NELL1: variants seen among roughly 807,000 people sequenced by gnomAD.
The protein encoded by NELL1 is neural EGFL like 1.
NELL1 carries 76 observed loss-of-function variants against 107.4 expected under a neutral mutation model. The observed-to-expected ratio is 0.71, with a 90% CI of 0.59 to 0.86. The LOEUF is 0.86. NELL1 is among the 40% of genes least tolerant of loss of function. The pLI is 0.00. For missense variants in NELL1, 1,024 were observed against 1,005.5 expected (o/e 1.02, Z -0.25); for synonymous variants, 353 against 341.2 (o/e 1.03, Z -0.38).
intron 14 of NELL1, among the ~76,000 whole-genome samples, chr11:21,285,244 A>G (rs903738040): frequency 1.3e-5 from 2 of 152,140 alleles, no homozygotes; most frequent in Admixed American, 6.5e-5. Flanking sequence ...TCCCTTCTCT[A>G]CGATATTATA....
intron 12 of NELL1, among the ~76,000 whole-genome samples, chr11:21,112,734 G>A (rs1293214861): frequency 6.6e-6 from 1 of 152,038 alleles, no homozygotes; most frequent in Non-Finnish European, 1.5e-5. Context: ...GTAGTTGAAT[G>A]CAAGTCATAG....
In NELL1 at chr11:21,240,956, GCTGAT is replaced by G. The variant is rs374311118; in HGVS notation, c.1549+11503_1549+11507del. On this transcript the variant is annotated intron_variant, in intron 14 of 19. Coordinates refer to ENST00000357134, the MANE Select transcript of NELL1 (RefSeq NM_006157.5). ...GTGGAAATCTGACACTTAGACAAGT[GCTGAT>G]TCTTTTGAGTGCATTTCCAGGTTGC... Among the ~76,000 whole-genome samples, 87 of 152,136 alleles carry G rather than the reference GCTGAT, an allele frequency of 5.7e-4. No individual in the cohort carries two copies. The East Asian group carries it at 0.012, about 21-fold the overall frequency.
At chr11:21,190,938 T>G (rs1342660694) in intron 13 of NELL1, among the ~76,000 whole-genome samples, 1 of 151,766 alleles carries the variant, frequency 6.6e-6, no homozygotes, top group Admixed American at 6.6e-5. Flanking sequence ...TCTGCCTCCC[T>G]AGCAGGGAAG....
chr11:21,164,674 CA>C (rs1405404933), intron 13 of NELL1, among the ~76,000 whole-genome samples: 3 of 152,126 alleles, frequency 2.0e-5, no homozygotes, highest in African/African-American at 7.2e-5. Flanking sequence ...AGAGTAAGGT[CA>C]AGGAAAGTAC....
chr11:21,169,195 C>G (rs879638014), intron 13 of NELL1, among the ~76,000 whole-genome samples: 1 of 151,820 alleles, frequency 6.6e-6, no homozygotes, highest in South Asian at 2.1e-4. Context: ...TAAGAGGGAA[C>G]AACCAAGTGA....
chr11:20,783,613 C>T lies in NELL1; in HGVS notation c.185-67C>T, dbSNP rs941900550. The T allele has an allele frequency of 7.0e-6, 8 of 1,144,466 alleles. No homozygotes were observed. The African/African-American group carries it at 1.2e-4, about 18-fold the overall frequency. The allele number at this position is 1,144,466 out of a possible 1,614,324, so 70.9% of individuals were successfully genotyped here. On this transcript the variant is annotated intron_variant, in intron 2 of 19. Coordinates refer to ENST00000357134, the MANE Select transcript of NELL1 (RefSeq NM_006157.5). Reference sequence around the variant, plus strand: ...CCCCTCTCCTCTTTCTCCTATATTTCTTCTCTACTCCTTCTCCTTCCTCTT... The same window carrying T: ...CCCCTCTCCTCTTTCTCCTATATTTTTTCTCTACTCCTTCTCCTTCCTCTT...
At chr11:20,676,258 C>T (rs1446387300) in intron 1 of NELL1, among the ~76,000 whole-genome samples, 1 of 150,550 alleles carries the variant, frequency 6.6e-6, no homozygotes, top group African/African-American at 2.4e-5. Flanking sequence ...AGGACCCCCC[C>T]ATCCAAGTTG....
In NELL1 at chr11:21,090,582, T is replaced by A. The variant is rs563872220; in HGVS notation, c.1301-23007T>A. Among the ~76,000 whole-genome samples, 15 of 152,302 alleles carry A rather than the reference T, an allele frequency of 9.8e-5. No homozygotes were observed. In the South Asian group the frequency reaches 3.1e-3, roughly 32 times the overall value. The stretch of plus-strand genomic sequence containing the variant: ...GAGCTCATGGAAAGACCTGGTATAT[T>A]GAGCAAGACAAATTAGGAGGGTTGA... On this transcript the variant is annotated intron_variant, in intron 12 of 19. Transcript: ENST00000357134.
At chr11:21,391,635 C>A (rs1436147366) in intron 15 of NELL1, among the ~76,000 whole-genome samples, 1 of 151,294 alleles carries the variant, frequency 6.6e-6, no homozygotes, top group Non-Finnish European at 1.5e-5. Context: ...ATGTAGCTAC[C>A]CTGTTTCATT....
chr11:21,033,702 A>G (rs1362082129), intron 12 of NELL1, among the ~76,000 whole-genome samples: 1 of 152,044 alleles, frequency 6.6e-6, no homozygotes, highest in Non-Finnish European at 1.5e-5. Context: ...CAATGAGTAT[A>G]CACGTGCATG....
intron 3 of NELL1, among the ~76,000 whole-genome samples, chr11:20,823,044 C>T (rs937542132): frequency 4.3e-5 from 6 of 140,596 alleles, no homozygotes; most frequent in Non-Finnish European, 1.0e-4. Context: ...GAAAACAGTA[C>T]AGTAAACAGC....
At chr11:21,296,865 A>T (rs1849386368) in intron 14 of NELL1, among the ~76,000 whole-genome samples, 2 of 151,516 alleles carry the variant, frequency 1.3e-5, no homozygotes, top group South Asian at 4.1e-4. Context: ...TAATATTTCT[A>T]TACTAATATA....
rs187280657 is a variant in NELL1 at position 21,107,635 on chromosome 11, G to A, written c.1301-5954G>A. On this transcript the variant is annotated intron_variant, in intron 12 of 19. Transcript: ENST00000357134. ...ATCTAGATAGTATTTTCCTGGACCT[G>A]TATCTTGGGAAAGGCATCTGGAACA... is the stretch of plus-strand genomic sequence containing the variant. Among the ~76,000 whole-genome samples the A allele has an allele frequency of 5.2e-3, 793 of 152,234 alleles. 8 individuals are homozygous for A. The highest frequency in any genetic ancestry group is 0.011 in the South Asian group (52 of 4,820).
At chr11:20,691,598 A>G (rs1256710009) in intron 2 of NELL1, among the ~76,000 whole-genome samples, 2 of 151,992 alleles carry the variant, frequency 1.3e-5, no homozygotes, top group East Asian at 1.9e-4. Context: ...ATTGATTTGC[A>G]TATATTGAAC....
intron 13 of NELL1, among the ~76,000 whole-genome samples, chr11:21,228,641 C>G (rs558531709): frequency 3.3e-5 from 5 of 149,328 alleles, no homozygotes; most frequent in African/African-American, 7.4e-5. Context: ...TCTAAAGAAG[C>G]CATGCAATCT....
intron 13 of NELL1, among the ~76,000 whole-genome samples, chr11:21,116,681 AC>A (rs1470402867): frequency 2.0e-5 from 3 of 151,668 alleles, no homozygotes; most frequent in African/African-American, 7.3e-5. Context: ...ACACTTGATC[AC>A]CCCTCCAATT....
At chr11:20,937,964 C>G in intron 10 of NELL1, 105 bp downstream of exon 10, 1 of 1,069,694 alleles carries the variant, frequency 9.3e-7, no homozygotes, top group Non-Finnish European at 1.4e-6. Flanking sequence ...TGGATAGGGC[C>G]CCGAGGGGTG....
Position 20,940,674 on chromosome 11 carries a change from C to T in NELL1, c.1071+2815C>T, listed in dbSNP as rs989207369. On this transcript the variant is annotated intron_variant, in intron 10 of 19. Transcript: ENST00000357134. Reference sequence around the variant, plus strand: ...ATTTCTTATAAACTGGTCTCCGAAACGGGAACATCATTCTGCATTCTAAAG... The same window carrying T: ...ATTTCTTATAAACTGGTCTCCGAAATGGGAACATCATTCTGCATTCTAAAG... Among the ~76,000 whole-genome samples, 10 of 152,124 alleles carry T rather than the reference C, an allele frequency of 6.6e-5. No homozygotes were observed. The South Asian group carries it at 8.3e-4, about 13-fold the overall frequency.
chr11:20,929,026 G>A (rs569099205), intron 9 of NELL1, among the ~76,000 whole-genome samples: 18 of 152,294 alleles, frequency 1.2e-4, no homozygotes, highest in African/African-American at 4.3e-4. Context: ...CTAGCTTAGT[G>A]AATTCTCACA....
Sources: gnomAD v4.1 joint callset for allele counts (sites outside exome capture counted in the v4.1 genomes callset) on GRCh38, gnomAD v4.1.1 for gene constraint, MANE v1.5 for transcripts, NCBI Gene and HGNC (gene_info 2026-07-23, HGNC 2026-07-21) for gene names.